SUGT1: variants seen among roughly 807,000 people sequenced by gnomAD.
SUGT1 encodes the protein SGT1 assembly cochaperone of MIS12 kinetochore complex.
Under a neutral mutation model 56.1 loss-of-function variants are expected in SUGT1, and 15 were observed. The ratio of observed to expected loss-of-function variants is 0.27; its 90% CI spans 0.18 to 0.41. SUGT1 has a LOEUF of 0.41. Among genes scored for constraint, SUGT1 ranks in the 10% least tolerant of loss-of-function variants. The pLI is 1.00. For missense variants in SUGT1, 347 were observed against 382.2 expected, an observed-to-expected ratio of 0.91 and a Z score of 0.77; for synonymous variants, 123 against 128.6, an observed-to-expected ratio of 0.96 and a Z score of 0.30.
intron 12 of SUGT1, among the ~76,000 whole-genome samples, chr13:52,685,992 G>A (rs1227085995): frequency 6.6e-6 from 1 of 152,170 alleles, no homozygotes; most frequent in Non-Finnish European, 1.5e-5. Context: ...CAGTGGCGCT[G>A]TCTCAGCTCA....
At chr13:52,663,743 C>G (rs1425846236) in intron 7 of SUGT1, among the ~76,000 whole-genome samples, 2 of 152,124 alleles carry the variant, frequency 1.3e-5, no homozygotes, top group Non-Finnish European at 2.9e-5. Context: ...CTAATCATGC[C>G]TTTAGAAGTT....
Position 52,657,522 on chromosome 13 carries a change from G to T in SUGT1, c.97-10G>T, listed in dbSNP as rs1416074526. On this transcript the variant is annotated splice_polypyrimidine_tract_variant and intron_variant, in intron 2 of 12. Transcript: ENST00000310528. Reference sequence around the variant, plus strand: ...ACTTTTACTGACGCTCCACATGTTTGTTTTTGTAGGAGCTGACTAAGGCTT... The same window carrying T: ...ACTTTTACTGACGCTCCACATGTTTTTTTTTGTAGGAGCTGACTAAGGCTT... The T allele has an allele frequency of 3.7e-6, 6 of 1,611,642 alleles. No homozygotes were observed. The Middle Eastern group carries it at 8.3e-4, about 222-fold the overall frequency.
chr13:52,687,819 A>G lies in SUGT1; in HGVS notation c.986A>G (p.Glu329Gly). The change falls in exon 13 of 13, where the codon GAA becomes GGA. Residue 329 changes from glutamate to glycine, a missense_variant. Glu to Gly is a moderately conservative substitution (Grantham distance 98). Transcript: ENST00000310528. The part of the protein sequence containing the change: ...KVEINPPDDM[E>G]WKKY The stretch of plus-strand genomic sequence containing the variant: ...GAAATCAATCCTCCTGATGATATGG[A>G]ATGGAAAAAGTACTAAATAAATTAA... 1.9e-6 allele frequency: 3 copies of G among 1,600,770 alleles called. No individual in the cohort carries two copies. Among genetic ancestry groups the G allele is most frequent in the Non-Finnish European group, 2.6e-6 (3 of 1,174,502 alleles).
intron 12 of SUGT1, among the ~76,000 whole-genome samples, chr13:52,685,982 C>G (rs1315119864): frequency 1.3e-5 from 2 of 152,206 alleles, no homozygotes; most frequent in Non-Finnish European, 2.9e-5. Context: ...GGCTGGAATG[C>G]AGTGGCGCTG....
At chr13:52,673,633 T>C (rs1963027235) in intron 10 of SUGT1, among the ~76,000 whole-genome samples, 1 of 152,226 alleles carries the variant, frequency 6.6e-6, no homozygotes. Context: ...TCTGTGCTGC[T>C]CTTCAGGTGA....
At chr13:52,684,946 C>G (rs1594258362) in intron 12 of SUGT1, among the ~76,000 whole-genome samples, 1 of 151,662 alleles carries the variant, frequency 6.6e-6, no homozygotes, top group East Asian at 1.9e-4. Flanking sequence ...CTTGGTGTTT[C>G]CAGCTTCTTC....
At position 52,681,415 on chromosome 13, in the gene SUGT1, C is replaced by CA. The variant is rs201016706; in HGVS notation, c.900+1275dup. ...AGCCTGGGCAACAGAGACCCTGTCT[C>CA]AAAAAAAAAAAAAAAGTCTTCATTA... is the stretch of plus-strand genomic sequence containing the variant. On this transcript the variant is annotated intron_variant, in intron 12 of 12. Transcript: ENST00000310528. Among the ~76,000 whole-genome samples, 745 of 90,810 alleles carry CA rather than the reference C, an allele frequency of 8.2e-3. 1 individual carries two copies. Among genetic ancestry groups the CA allele is most frequent in the East Asian group, 0.033 (105 of 3,174 alleles). 59.6% of individuals were successfully genotyped at this position (90,810 alleles called of 152,430 possible).
chr13:52,677,213 ATTTC>A (rs1963182479), intron 11 of SUGT1, among the ~76,000 whole-genome samples: 1 of 152,130 alleles, frequency 6.6e-6, no homozygotes, highest in African/African-American at 2.4e-5. Context: ...GTGTATAGTT[ATTTC>A]TTAAGAAATA....
chr13:52,653,252 G>T (rs1961997872), intron 2 of SUGT1, 149 bp downstream of exon 2: 2 of 987,432 alleles, frequency 2.0e-6, no homozygotes, highest in Non-Finnish European at 3.0e-6. Context: ...GAGATTCTCC[G>T]TCTCTTTTCT....
Position 52,680,028 on chromosome 13 carries a change from T to G in SUGT1, c.773T>G (p.Leu258Trp). The change falls in exon 12 of 13, where the codon TTG becomes TGG. Residue 258 changes from leucine (L) to tryptophan (W), a missense_variant. Transcript: ENST00000310528. ...CCTTATACAAGAAATTGGGATAAAT[T>G]GGTTGGTGAGATCAAAGAAGAAGAA... ...SSPYTRNWDK[L>W]VGEIKEEEKN... The G allele has an allele frequency of 6.2e-7, 1 of 1,602,956 alleles. No individual in the cohort carries two copies.
chr13:52,671,576 G>A (rs948284880), intron 10 of SUGT1, among the ~76,000 whole-genome samples: 2 of 152,134 alleles, frequency 1.3e-5, no homozygotes, highest in Non-Finnish European at 2.9e-5. Context: ...TAGTTTACAG[G>A]TAGAGAAACT....
At chr13:52,677,556 T>C (rs1371723032) in intron 11 of SUGT1, among the ~76,000 whole-genome samples, 1 of 152,244 alleles carries the variant, frequency 6.6e-6, no homozygotes, top group Admixed American at 6.5e-5. Flanking sequence ...ATGTAGTATC[T>C]TACTTAATTC....
chr13:52,659,814 ATTTTTTTTTTTT>A (rs71088033), intron 5 of SUGT1, among the ~76,000 whole-genome samples: 27 of 58,718 alleles, frequency 4.6e-4, no homozygotes, highest in East Asian at 2.7e-3. Context: ...ATATATATAT[ATTTTTTTTTTTT>A]TTTTTTTTTT....
Position 52,688,441 on chromosome 13 carries a change from G to A in SUGT1, c.*606G>A, listed in dbSNP as rs925812986. 2 of 152,258 alleles carry A rather than the reference G, an allele frequency of 1.3e-5. No individual in the cohort carries two copies. The highest frequency in any genetic ancestry group is 2.1e-4 in the South Asian group (1 of 4,824). The allele number at this position is 152,258 out of a possible 1,614,324, so 9.4% of individuals were successfully genotyped here. A position where few individuals can be genotyped will look rare whatever the true frequency, so the allele number is the denominator to read the frequency against. ...TTTGGTCGTTACCTTGCAAGTTTCT[G>A]TATAAAACATAGATACCTGAGTTTT... On this transcript the variant is annotated 3_prime_UTR_variant, in exon 13 of 13. Transcript: ENST00000310528.
chr13:52,685,588 A>G (rs1208086635), intron 12 of SUGT1, among the ~76,000 whole-genome samples: 1 of 152,194 alleles, frequency 6.6e-6, no homozygotes, highest in Admixed American at 6.5e-5. Flanking sequence ...CAAATCAAAG[A>G]TCAAAGATAG....
chr13:52,665,720 T>A lies in SUGT1; in HGVS notation c.506T>A (p.Phe169Tyr). The A allele has an allele frequency of 6.3e-7, 1 of 1,599,462 alleles. No individual in the cohort carries two copies. Among genetic ancestry groups the A allele is most frequent in the South Asian group, 1.1e-5 (1 of 88,660 alleles). Residue 169 changes from phenylalanine (F) to tyrosine (Y), a missense_variant, in exon 9 of 13, where the codon TTT becomes TAT. Phe to Tyr is a conservative substitution (Grantham distance 22, BLOSUM62 3). Transcript: ENST00000310528. ...CAGAAGAATGATGTAAATGTGGAAT[T>A]TTCAGAAAAAGAGGTCAGTAGACTG... Reference protein sequence around the residue: ...NVQKNDVNVEFSEKELSALVK... With the variant: ...NVQKNDVNVEYSEKELSALVK...
At chr13:52,657,317 ATGC>A (rs1840088318) in intron 2 of SUGT1, among the ~76,000 whole-genome samples, 1 of 152,196 alleles carries the variant, frequency 6.6e-6, no homozygotes, top group Non-Finnish European at 1.5e-5. Context: ...CGGTACAGAG[ATGC>A]TACATTAGAT....
rs368197408 is a variant in SUGT1, at chr13:52,700,659, A to G, written c.*12824A>G. The G allele has an allele frequency of 2.6e-5, 4 of 152,298 alleles. No individual in the cohort carries two copies. The East Asian group carries it at 5.8e-4, about 22-fold the overall frequency. 9.4% of individuals were successfully genotyped at this position (152,298 alleles called of 1,614,324 possible). On this transcript the variant is annotated 3_prime_UTR_variant, in exon 13 of 13. Coordinates refer to ENST00000310528, the MANE Select transcript of SUGT1 (RefSeq NM_006704.5). ...TTGTATCATTAACTCTCAAATTTAC[A>G]TCTTCATGTTTGAGATACGCTTTTA...
intron 12 of SUGT1, among the ~76,000 whole-genome samples, chr13:52,682,613 A>C (rs1963421044): frequency 6.6e-6 from 1 of 152,214 alleles, no homozygotes; most frequent in Non-Finnish European, 1.5e-5. Context: ...TCTGGCACCT[A>C]TCTTTTCTCA....
Sources: gnomAD v4.1 joint callset for allele counts (sites outside exome capture counted in the v4.1 genomes callset) on GRCh38, gnomAD v4.1.1 for gene constraint, MANE v1.5 for transcripts, NCBI Gene and HGNC (gene_info 2026-07-23, HGNC 2026-07-21) for gene names.